WDR24: variants seen among roughly 807,000 people sequenced by gnomAD.
WDR24 encodes the protein GATOR2 complex protein WDR24.
Under a neutral mutation model 66.7 loss-of-function variants are expected in WDR24, and 32 were observed. That is an observed-to-expected ratio of 0.48 (90% CI 0.36 to 0.64). The LOEUF (loss-of-function observed/expected upper bound fraction) is 0.64. WDR24 is among the 30% of genes least tolerant of loss of function. The pLI is 0.00. For missense variants in WDR24, 978 were observed against 1,144.1 expected, an observed-to-expected ratio of 0.85 and a Z score of 2.09; for synonymous variants, 565 against 469.1, an observed-to-expected ratio of 1.20 and a Z score of -2.64.
chr16:688,356 G>A (rs1434723075), intron 1 of WDR24, among the ~76,000 whole-genome samples: 1 of 152,118 alleles, frequency 6.6e-6, no homozygotes, highest in African/African-American at 2.4e-5. Context: ...GGCACGATCT[G>A]GGCTCACTGC....
rs1383975804 is a variant in WDR24, at chr16:689,217, C to G, written c.424G>C (p.Asp142His). ...AGGTCAAAGCACTTCATGAAGCCAT[C>G]CTGGGAGCCACTGAGCAGCACGTGG... ...EAHVLLSGSQ[D>H]GFMKCFDLRR... Residue 142 changes from aspartate to histidine, a missense_variant, in exon 1 of 9, where the codon GAT becomes CAT. Transcript: ENST00000293883. 6.2e-7 allele frequency: 1 copy of G among 1,613,790 alleles called. No individual in the cohort carries two copies. The highest frequency in any genetic ancestry group is 1.7e-5 in the Admixed American group (1 of 60,006).
chr16:685,517 G>A lies in WDR24; in HGVS notation c.1759C>T (p.His587Tyr). Reference protein sequence around the residue: ...EIVDTPPGPEHLQDKADSPHV... With the variant: ...EIVDTPPGPEYLQDKADSPHV... ...GGGGAGTCGGCCTTGTCCTGCAGGT[G>A]CTCGGGCCCGGGAGGCGTGTCCACG... Residue 587 changes from histidine to tyrosine, a missense_variant, in exon 7 of 9, where the codon CAC (histidine) becomes TAC (tyrosine). Physicochemically the swap from His to Tyr is moderately conservative, Grantham distance 83 (BLOSUM62 2). Around this residue, in one of 2 missense-constraint regions of WDR24, gnomAD observed 676 missense variants for 617.5 expected, o/e 1.09. Coordinates refer to ENST00000293883, the MANE Select transcript of WDR24 (RefSeq NM_032259.4). 6.3e-7 allele frequency: 1 copy of A among 1,590,382 alleles called. No homozygotes were observed. Among genetic ancestry groups the A allele is most frequent in the Non-Finnish European group, 8.6e-7 (1 of 1,164,964 alleles).
Position 684,713 on chromosome 16 carries a change from G to C in WDR24, c.*21C>G. ...CGGGGTTCTGCACGCGGCCGCCCGG[G>C]CAAGCCCAGCAGATGCCCCGTCAGG... On this transcript the variant is annotated 3_prime_UTR_variant, in exon 9 of 9. Coordinates refer to ENST00000293883, the MANE Select transcript of WDR24 (RefSeq NM_032259.4). The C allele has an allele frequency of 6.4e-7, 1 of 1,567,552 alleles. No homozygotes were observed. Among genetic ancestry groups the C allele is most frequent in the Non-Finnish European group, 8.6e-7 (1 of 1,157,138 alleles).
rs926079834 is a variant in WDR24 at position 686,784 on chromosome 16, TCA to T, written c.1290_1291del (p.Cys430Ter). The T allele has an allele frequency of 6.2e-7, 1 of 1,609,280 alleles. No homozygotes were observed. Among genetic ancestry groups the T allele is most frequent in the African/African-American group, 1.3e-5 (1 of 74,868 alleles). On this transcript the variant is annotated stop_gained and frameshift_variant, in exon 3 of 9. Transcript: ENST00000293883. LOFTEE classifies it high-confidence loss of function. Reference sequence around the variant, plus strand: ...CTCTCGAGCCACCTTTGCGTTGTGGTCACAGAGCTCGGCCAGTGGCCGGCCAG... The same window carrying T: ...CTCTCGAGCCACCTTTGCGTTGTGGTCAGAGCTCGGCCAGTGGCCGGCCAG...
chr16:689,585 C>A lies in WDR24; in HGVS notation c.56G>T (p.Arg19Leu). The change falls in exon 1 of 9, where the codon CGC becomes CTC. Residue 19 changes from arginine to leucine, a missense_variant. By Grantham distance (102) the Arg-to-Leu change is moderately radical (BLOSUM62 -2). Coordinates refer to ENST00000293883, the MANE Select transcript of WDR24 (RefSeq NM_032259.4). ...AGCATCCAGGTGGCAGTGCATGGTGCGGCCTGTCAGCACGCTGCCACCCAG... is the reference window on the plus strand; with the variant it reads ...AGCATCCAGGTGGCAGTGCATGGTGAGGCCTGTCAGCACGCTGCCACCCAG... ...TALGGSVLTG[R>L]TMHCHLDAPA... The A allele has an allele frequency of 6.2e-7, 1 of 1,612,882 alleles. No individual in the cohort carries two copies. Among genetic ancestry groups the A allele is most frequent in the Non-Finnish European group, 8.5e-7 (1 of 1,180,022 alleles).
In WDR24 at chr16:684,978, C is replaced by T. The variant is rs1365832184; in HGVS notation, c.2204+14G>A. On this transcript the variant is annotated intron_variant, in intron 8 of 8. Transcript: ENST00000293883. ...TGCAGGCCCCTGCCCCACCTCCCGA[C>T]CCCACTGCCCCACCTGTCGCAGACC... 2.6e-6 allele frequency: 4 copies of T among 1,540,684 alleles called. No homozygotes were observed. Among genetic ancestry groups the T allele is most frequent in the Non-Finnish European group, 3.5e-6 (4 of 1,145,740 alleles).
At position 687,410 on chromosome 16, in the gene WDR24, C is replaced by T. The variant is rs1347608392; in HGVS notation, c.666G>A (p.Trp222Ter). The T allele has an allele frequency of 6.3e-7, 1 of 1,586,412 alleles. No individual in the cohort carries two copies. The highest frequency in any genetic ancestry group is 8.6e-7 in the Non-Finnish European group (1 of 1,165,688). Residue 222 changes from tryptophan (W) to a stop codon, truncating the protein, a stop_gained, in exon 3 of 9, where the codon TGG becomes TGA. Transcript: ENST00000293883. LOFTEE classifies it high-confidence loss of function. ...TCTTGTCGCGCCCTCCAGTGGCCAA[C>T]CAGCCCCTGTGGGAAGAAGGTCCAC... ...CCDWHPEDRGWLATGGRDKMV... is the reference protein window; with the variant it reads ...CCDWHPEDRG
rs934240349 is a variant in WDR24, at chr16:690,129, G to T, written c.-489C>A. ...GGGGAGGGAACAGAGGGCTAGAGGG[G>T]CCCGGGGACTCAGGCGATAGACGCG... On this transcript the variant is annotated 5_prime_UTR_variant, in exon 1 of 9. Transcript: ENST00000293883. 4.5e-6 allele frequency: 2 copies of T among 445,226 alleles called. No individual in the cohort carries two copies. The highest frequency in any genetic ancestry group is 4.9e-5 in the Admixed American group (2 of 41,008). The allele number at this position is 445,226 out of a possible 1,614,324, so 27.6% of individuals were successfully genotyped here. A position where few individuals can be genotyped will look rare whatever the true frequency, so the allele number is the denominator to read the frequency against.
intron 1 of WDR24, 187 bp downstream of exon 1, chr16:688,973 C>T (rs1567294842): frequency 1.1e-6 from 1 of 889,156 alleles, no homozygotes; most frequent in Non-Finnish European, 1.7e-6. Context: ...CACTTGACTG[C>T]CCTGGCTCAC....
chr16:685,312 G>C lies in WDR24; in HGVS notation c.1964C>G (p.Ser655Cys). ...CCGTTCACCCAGGACGATGAGCACA[G>C]ACACAGCCATCTGCACGTCGCCCTG... ...AEQGDVQMAV[S>C]VLIVLGERVR... is the part of the protein sequence containing the mutation. Residue 655 changes from serine to cysteine, a missense_variant, in exon 7 of 9, where the codon TCT becomes TGT. Physicochemically the swap from Ser to Cys is moderately radical, Grantham distance 112. This residue lies in a region of WDR24 where 676 missense variants were observed against 617.5 expected (regional missense o/e 1.09). Coordinates refer to ENST00000293883, the MANE Select transcript of WDR24 (RefSeq NM_032259.4). The C allele has an allele frequency of 5.6e-6, 9 of 1,604,570 alleles. No homozygotes were observed. Among genetic ancestry groups the C allele is most frequent in the Non-Finnish European group, 7.6e-6 (9 of 1,177,046 alleles).
chr16:685,831 C>T (rs1442578683), intron 5 of WDR24, 38 bp downstream of exon 5: 2 of 1,612,924 alleles, frequency 1.2e-6, no homozygotes, highest in Non-Finnish European at 8.5e-7. Context: ...GACACCCCCA[C>T]CCCTCTCCCA....
chr16:685,307 G>A lies in WDR24; in HGVS notation c.1969C>T (p.Leu657Phe). The stretch of plus-strand genomic sequence containing the variant: ...CGCACCCGTTCACCCAGGACGATGA[G>A]CACAGACACAGCCATCTGCACGTCG... ...QGDVQMAVSV[L>F]IVLGERVRKD... The change falls in exon 7 of 9, where the codon CTC becomes TTC. Residue 657 changes from leucine to phenylalanine, a missense_variant. By Grantham distance (22) the Leu-to-Phe change is conservative. This residue lies in a region of WDR24 where 676 missense variants were observed against 617.5 expected (regional missense o/e 1.09). Coordinates refer to ENST00000293883, the MANE Select transcript of WDR24 (RefSeq NM_032259.4). 1 of 1,602,346 alleles carries A rather than the reference G, an allele frequency of 6.2e-7. No individual in the cohort carries two copies. Among genetic ancestry groups the A allele is most frequent in the Non-Finnish European group, 8.5e-7 (1 of 1,175,466 alleles).
In WDR24 at chr16:684,830, G is replaced by A. The variant is rs776362868; in HGVS notation, c.2277C>T (p.Gly759=). 2.6e-6 allele frequency: 4 copies of A among 1,547,686 alleles called. No homozygotes were observed. The highest frequency in any genetic ancestry group is 1.2e-5 in the South Asian group (1 of 85,186). ...GCTGCAGGTGGCCGCCGTGGCTGCA[G>A]CCCTGGCACCACACGAAGAGACCCT... ...VVKGLFVWCQ[G]CSHGGHLQHI... is the part of the protein sequence containing the mutation. The change falls in exon 9 of 9, where the codon GGC becomes GGT. Residue 759 remains glycine, a synonymous_variant. Transcript: ENST00000293883.
In WDR24 at chr16:685,701, C is replaced by T. The variant is rs764670630; in HGVS notation, c.1656G>A (p.Leu552=). The T allele has an allele frequency of 1.9e-5, 31 of 1,613,080 alleles. No individual in the cohort carries two copies. The highest frequency in any genetic ancestry group is 1.1e-4 in the East Asian group (5 of 44,890). The part of the protein sequence containing the change: ...DVEGEEDELY[L]LDPEHAHPED... ...CACGGTGCGCGTGTTCCGGATCCAG[C>T]AGGTACAGCTCGTCCTCCTCACCTT... Residue 552 remains leucine, a synonymous_variant, in exon 6 of 9, where the codon CTG becomes CTA. Coordinates refer to ENST00000293883, the MANE Select transcript of WDR24 (RefSeq NM_032259.4).
At chr16:688,853 C>A in intron 1 of WDR24, 1 of 410,194 alleles carries the variant, frequency 2.4e-6, no homozygotes, top group East Asian at 4.9e-5. Context: ...GGAAGGGAGT[C>A]AGTGGCTCTC....
chr16:685,157 T>C lies in WDR24; in HGVS notation c.2039A>G (p.Tyr680Cys). The C allele has an allele frequency of 6.3e-7, 1 of 1,578,572 alleles. No homozygotes were observed. The highest frequency in any genetic ancestry group is 8.6e-7 in the Non-Finnish European group (1 of 1,163,440). Reference protein sequence around the residue: ...EQTQEHWYTSYIDLLQRFRLW... With the variant: ...EQTQEHWYTSCIDLLQRFRLW... The stretch of plus-strand genomic sequence containing the variant: ...GCGGAAGCGCTGCAGCAGGTCGATG[T>C]AGGAAGTGTACCAGTGCTCCTGGGG... The change falls in exon 8 of 9, where the codon TAC becomes TGC. Residue 680 changes from tyrosine (Y) to cysteine (C), a missense_variant. This residue lies in a region of WDR24 where 676 missense variants were observed against 617.5 expected (regional missense o/e 1.09). Transcript: ENST00000293883.
Position 685,382 on chromosome 16 carries a change from A to C in WDR24, c.1894T>G (p.Phe632Val). ...ALYDSRLPPD[F>V]FGVLVRDMLH... ...ATGTCGCGCACCAGCACGCCGAAGA[A>C]GTCGGGCGGCAGGCGGCTGTCGTAG... The change falls in exon 7 of 9, where the codon TTC becomes GTC. Residue 632 changes from phenylalanine (F) to valine (V), a missense_variant. By Grantham distance (50) the Phe-to-Val change is conservative. Around this residue, in one of 2 missense-constraint regions of WDR24, gnomAD observed 676 missense variants for 617.5 expected, o/e 1.09. Coordinates refer to ENST00000293883, the MANE Select transcript of WDR24 (RefSeq NM_032259.4). 1.9e-6 allele frequency: 3 copies of C among 1,612,468 alleles called. No homozygotes were observed. Among genetic ancestry groups the C allele is most frequent in the Non-Finnish European group, 2.5e-6 (3 of 1,179,864 alleles).
rs1017028504 is a variant in WDR24, at chr16:685,080, T to A, written c.2116A>T (p.Ser706Cys). 1 of 1,557,582 alleles carries A rather than the reference T, an allele frequency of 6.4e-7. No individual in the cohort carries two copies. The highest frequency in any genetic ancestry group is 1.4e-5 in the African/African-American group (1 of 73,566). The change falls in exon 8 of 9, where the codon AGC becomes TGC. Residue 706 changes from serine to cysteine, a missense_variant. Around this residue, in one of 2 missense-constraint regions of WDR24, gnomAD observed 676 missense variants for 617.5 expected, o/e 1.09. Coordinates refer to ENST00000293883, the MANE Select transcript of WDR24 (RefSeq NM_032259.4). ...GTGGTGGAGGCCTGGTTGAGGCAGC[T>A]GACGGCGCGGCTGGTGCTCAGCTTG... ...VVKLSTSRAV[S>C]CLNQASTTLH...
In WDR24 at chr16:690,323, C is replaced by T. The variant is rs975545738; in HGVS notation, c.-683G>A. On this transcript the variant is annotated 5_prime_UTR_variant, in exon 1 of 9. Transcript: ENST00000293883. ...GGGACGAGAACCAGAGGGCCCGGGG[C>T]AGCCCTTCTCCCCCGCGCGAACCCC... 4.4e-6 allele frequency: 2 copies of T among 455,088 alleles called. No individual in the cohort carries two copies. Among genetic ancestry groups the T allele is most frequent in the African/African-American group, 2.0e-5 (1 of 50,062 alleles). 28.2% of individuals were successfully genotyped at this position (455,088 alleles called of 1,614,324 possible).
Sources: gnomAD v4.1 joint callset for allele counts (sites outside exome capture counted in the v4.1 genomes callset) on GRCh38, gnomAD v4.1.1 for gene constraint, gnomAD v4.1.1 regional missense constraint, MANE v1.5 for transcripts, NCBI Gene and HGNC (gene_info 2026-07-23, HGNC 2026-07-21) for gene names.